Variants in VBP1 observed in about 807,000 individuals in gnomAD.
VBP1 encodes the protein prefoldin subunit 3.
In VBP1, 4 loss-of-function variants were observed where a neutral mutation model predicts 15.5. The observed-to-expected ratio is 0.26, with a 90% CI of 0.13 to 0.59. The LOEUF is 0.59. Among genes scored for constraint, VBP1 ranks in the 20% least tolerant of loss-of-function variants. The pLI is 0.90. For missense variants in VBP1, 108 were observed against 139.6 expected, an observed-to-expected ratio of 0.77 and a Z score of 1.14; for synonymous variants, 61 against 52.1, an observed-to-expected ratio of 1.17 and a Z score of -0.74.
intron 4 of VBP1, among the ~76,000 whole-genome samples, chrX:155,235,101 A>AGTGT (rs781798537): frequency 4.8e-5 from 5 of 104,230 alleles, no homozygotes; most frequent in African/African-American, 1.4e-4. Context: ...CATTTCACCC[A>AGTGT]GTGTGTGTGT....
At position 155,220,103 on chromosome X, in the gene VBP1, A is replaced by G. The variant is rs782475483; in HGVS notation, c.94-80A>G. 5 of 973,302 alleles carry G rather than the reference A, an allele frequency of 5.1e-6. No homozygotes were observed. The South Asian group carries it at 1.0e-4, about 19-fold the overall frequency. The allele number at this position is 973,302 out of a possible 1,213,427, so 80.2% of individuals were successfully genotyped here. On this transcript the variant is annotated intron_variant, in intron 1 of 5. Transcript: ENST00000286428. Reference sequence around the variant, plus strand: ...GAAAAACAAAGCTTTTTTTTCTTCTATGTTTTAAAAACAAAGCAGTCAAAA... The same window carrying G: ...GAAAAACAAAGCTTTTTTTTCTTCTGTGTTTTAAAAACAAAGCAGTCAAAA...
Position 155,236,328 on chromosome X carries a change from C to G in VBP1, c.484C>G (p.Leu162Val), listed in dbSNP as rs1557311571. 1 of 1,209,160 alleles carries G rather than the reference C, an allele frequency of 8.3e-7. No individual in the cohort carries two copies. The highest frequency in any genetic ancestry group is 2.3e-4 in the Middle Eastern group (1 of 4,340). Residue 162 changes from leucine to valine, a missense_variant, in exon 5 of 6, where the codon CTT (leucine) becomes GTT (valine). Leu to Val is a conservative substitution (Grantham distance 32). Transcript: ENST00000286428. ...TKNLDSLEED[L>V]DFLRDQFTTT... ...GAATCTTGATTCCCTGGAGGAAGAC[C>G]TTGACTTTCTTCGAGATCAATTTAC... is the stretch of plus-strand genomic sequence containing the variant.
chrX:155,224,607 C>T (rs782649343), intron 2 of VBP1, among the ~76,000 whole-genome samples: 23 of 111,478 alleles, frequency 2.1e-4, no homozygotes, highest in Middle Eastern at 4.7e-3. Context: ...AGGGCGAGGG[C>T]GAGGGTGAGG....
At chrX:155,223,121 T>G (rs1175883481) in intron 2 of VBP1, among the ~76,000 whole-genome samples, 3 of 109,473 alleles carry the variant, frequency 2.7e-5, no homozygotes, top group Non-Finnish European at 5.7e-5. Context: ...TTTTTGTTTT[T>G]TTTTTTTTTC....
chrX:155,228,367 T>TG lies in VBP1; in HGVS notation c.286-17_286-16insG. ...TGGCCTGTTTATGGTACTGTCATTT[T>TG]TTTTTTTGTTTTGAAGGAGTCCACC... is the stretch of plus-strand genomic sequence containing the variant. On this transcript the variant is annotated splice_polypyrimidine_tract_variant and intron_variant, in intron 3 of 5. Transcript: ENST00000286428. 1.7e-6 allele frequency: 2 copies of TG among 1,183,436 alleles called. No individual in the cohort carries two copies. Among genetic ancestry groups the TG allele is most frequent in the Non-Finnish European group, 2.3e-6 (2 of 877,951 alleles).
intron 4 of VBP1, among the ~76,000 whole-genome samples, chrX:155,235,087 G>A (rs1299663181): frequency 3.7e-5 from 4 of 109,099 alleles, no homozygotes; most frequent in African/African-American, 1.3e-4. Context: ...TTCATTTTGC[G>A]TGTCATTTCA....
chrX:155,208,748 A>C (rs2074634326), intron 1 of VBP1: 1 of 385,301 alleles, frequency 2.6e-6, no homozygotes, highest in Non-Finnish European at 4.3e-6. Context: ...CTTTCAATTG[A>C]TGCTTATTAA....
At chrX:155,219,472 C>T (rs1378334075) in intron 1 of VBP1, among the ~76,000 whole-genome samples, 1 of 112,111 alleles carries the variant, frequency 8.9e-6, no homozygotes, top group Admixed American at 9.5e-5. Flanking sequence ...TTATTTGATA[C>T]TGAAGGAAGC....
At chrX:155,202,341 T>G (rs2074607933) in intron 1 of VBP1, among the ~76,000 whole-genome samples, 1 of 111,648 alleles carries the variant, frequency 9.0e-6, no homozygotes, top group African/African-American at 3.3e-5. Flanking sequence ...GGCATCATGC[T>G]ACCTGACTTC....
chrX:155,202,410 A>C (rs1557307598), intron 1 of VBP1, among the ~76,000 whole-genome samples: 1 of 111,688 alleles, frequency 9.0e-6, no homozygotes, highest in African/African-American at 3.3e-5. Context: ...CAAAACAGAG[A>C]TATAGATCAA....
intron 2 of VBP1, among the ~76,000 whole-genome samples, chrX:155,222,441 C>T (rs1335961490): frequency 7.2e-5 from 8 of 111,103 alleles, no homozygotes; most frequent in African/African-American, 2.6e-4. Flanking sequence ...TGCCACTGCA[C>T]TCCAGCCTGG....
chrX:155,211,267 A>G (rs1557308486), intron 2 of VBP1, among the ~76,000 whole-genome samples: 2 of 112,228 alleles, frequency 1.8e-5, no homozygotes, highest in South Asian at 3.7e-4. Flanking sequence ...ATCTCCAGTT[A>G]TACACTGCAT....
chrX:155,208,893 C>G, exon 2 of VBP1: 1 of 1,150,674 alleles, frequency 8.7e-7, no homozygotes, highest in Non-Finnish European at 1.2e-6. Flanking sequence ...CCATTGGGAG[C>G]TCCTTCTCTA....
intron 2 of VBP1, among the ~76,000 whole-genome samples, chrX:155,224,357 C>A (rs953660845): frequency 9.2e-6 from 1 of 109,264 alleles, no homozygotes; most frequent in Non-Finnish European, 1.9e-5. Flanking sequence ...CCCGGCACCT[C>A]GGGAGGCCGA....
rs782078332 is a variant in VBP1, at chrX:155,238,981, A to G, written c.*139A>G. On this transcript the variant is annotated 3_prime_UTR_variant, in exon 6 of 6. Coordinates refer to ENST00000286428, the MANE Select transcript of VBP1 (RefSeq NM_003372.7). ...GATAAACACCATTTTATTTATTTAT[A>G]AAAACAAAATTAGTTTCAAATATTT... The G allele has an allele frequency of 1.3e-5, 5 of 394,889 alleles. No homozygotes were observed. In the East Asian group the frequency reaches 2.4e-4, roughly 19 times the overall value. The allele number at this position is 394,889 out of a possible 1,213,427, so 32.5% of individuals were successfully genotyped here. A position where few individuals can be genotyped will look rare whatever the true frequency, so the allele number is the denominator to read the frequency against.
chrX:155,233,568 C>T (rs185003532), intron 4 of VBP1, among the ~76,000 whole-genome samples: 1 of 112,237 alleles, frequency 8.9e-6, no homozygotes. Flanking sequence ...GTCACAGATT[C>T]CAGAGATTAG....
chrX:155,214,768 C>CTTTTTTTTT (rs782556765), upstream of VBP1, among the ~76,000 whole-genome samples: 2 of 83,076 alleles, frequency 2.4e-5, no homozygotes, highest in Admixed American at 1.4e-4. Flanking sequence ...TTTTCTTTTC[C>CTTTTTTTTT]TTTTTTTTTT....
At chrX:155,210,107 C>T (rs985199474) in intron 2 of VBP1, among the ~76,000 whole-genome samples, 5 of 111,062 alleles carry the variant, frequency 4.5e-5, no homozygotes, top group Non-Finnish European at 9.4e-5. Context: ...TCACCTAACC[C>T]ACTCTAGTCT....
At chrX:155,197,626 C>A (rs1454813870) in intron 1 of VBP1, among the ~76,000 whole-genome samples, 2 of 111,924 alleles carry the variant, frequency 1.8e-5, no homozygotes, top group African/African-American at 6.5e-5. Flanking sequence ...TGAGAGCTGG[C>A]AGCCAAGATG....
Sources: gnomAD v4.1 joint callset for allele counts (sites outside exome capture counted in the v4.1 genomes callset) on GRCh38, gnomAD v4.1.1 for gene constraint, MANE v1.5 for transcripts, NCBI Gene and HGNC (gene_info 2026-07-23, HGNC 2026-07-21) for gene names.